BIN1: variants seen among roughly 807,000 people sequenced by gnomAD.
BIN1 encodes bridging integrator 1, also known as myc box-dependent-interacting protein 1.
A neutral mutation model predicts 82.0 loss-of-function variants in BIN1; 53 were observed. The ratio of observed to expected loss-of-function variants is 0.65; its 90% CI spans 0.52 to 0.81. BIN1 has a LOEUF of 0.81. Among genes scored for constraint, BIN1 ranks in the 40% least tolerant of loss-of-function variants. The pLI is 0.00. For synonymous variants in BIN1, 302 were observed against 328.0 expected, an observed-to-expected ratio of 0.92 and a Z score of 0.86; for missense variants, 642 against 784.4, an observed-to-expected ratio of 0.82 and a Z score of 2.17.
chr2:127,076,798 G>T, intron 1 of BIN1, 92 bp from the exon 2 acceptor site: 1 of 1,435,042 alleles, frequency 7.0e-7, no homozygotes, highest in Non-Finnish European at 9.8e-7. Context: ...ACAGACCAGG[G>T]GCTGGGAAGT....
chr2:127,048,399 G>C lies in BIN1; in HGVS notation c.*127C>G. The C allele has an allele frequency of 1.1e-6, 1 of 893,970 alleles. No individual in the cohort carries two copies. The highest frequency in any genetic ancestry group is 1.8e-6 in the Non-Finnish European group (1 of 562,418). 55.4% of individuals were successfully genotyped at this position (893,970 alleles called of 1,614,324 possible). A position where few individuals can be genotyped will look rare whatever the true frequency, so the allele number is the denominator to read the frequency against. ...CTTTGGGAGAACGCCCCTCTGCCTG[G>C]GGGTCTCCTCTTGATTTCCCTTTGC... On this transcript the variant is annotated 3_prime_UTR_variant, in exon 19 of 19. Transcript: ENST00000316724.
intron 2 of BIN1, among the ~76,000 whole-genome samples, chr2:127,075,400 T>G (rs369067958): frequency 1.9e-4 from 29 of 152,126 alleles, no homozygotes; most frequent in African/African-American, 6.7e-4. Flanking sequence ...AAGACCAGGT[T>G]TCTTGTTCAA....
chr2:127,092,757 C>T (rs916804821), intron 1 of BIN1, among the ~76,000 whole-genome samples: 1 of 152,164 alleles, frequency 6.6e-6, no homozygotes, highest in South Asian at 2.1e-4. Flanking sequence ...CCAAAGCTCC[C>T]GGGGAAGGGC....
chr2:127,055,579 G>C (rs754294105), intron 12 of BIN1: 1 of 152,404 alleles, frequency 6.6e-6, no homozygotes, highest in South Asian at 2.1e-4. Context: ...TCCCACCAGC[G>C]GGCGGCCAGC....
In BIN1 at chr2:127,050,834, G is replaced by A. The variant is rs148422103; in HGVS notation, c.1540C>T (p.Arg514Cys). The stretch of plus-strand genomic sequence containing the variant: ...ATGAAACCTGGGGGCAGGTCCAAGC[G>A]CCCGGCCCCACTGCCGCCCTCCACG... ...GTVEGGSGAGRLDLPPGFMFK... is the reference protein window; with the variant it reads ...GTVEGGSGAGCLDLPPGFMFK... Residue 514 changes from arginine (R) to cysteine (C), a missense_variant, in exon 17 of 19, where the codon CGC (arginine) becomes TGC (cysteine). By Grantham distance (180) the Arg-to-Cys change is radical. Transcript: ENST00000316724. 1,111 of 1,613,636 alleles carry A rather than the reference G, an allele frequency of 6.9e-4. 7 individuals carry two copies. The highest frequency in any genetic ancestry group is 3.9e-4 in the African/African-American group (29 of 75,010).
chr2:127,053,341 A>C, intron 14 of BIN1, 81 bp downstream of exon 14: 1 of 1,578,252 alleles, frequency 6.3e-7, no homozygotes, highest in African/African-American at 1.3e-5. Flanking sequence ...ACCTGTGAAC[A>C]GGCTAGGAGC....
Position 127,068,355 on chromosome 2 carries a change from C to A in BIN1, c.520-100G>T. 2 of 918,336 alleles carry A rather than the reference C, an allele frequency of 2.2e-6. No homozygotes were observed. The highest frequency in any genetic ancestry group is 2.2e-4 in the Middle Eastern group (1 of 4,526). 56.9% of individuals were successfully genotyped at this position (918,336 alleles called of 1,614,324 possible). A position where few individuals can be genotyped will look rare whatever the true frequency, so the allele number is the denominator to read the frequency against. On this transcript the variant is annotated intron_variant, in intron 6 of 18. Coordinates refer to ENST00000316724, the MANE Select transcript of BIN1 (RefSeq NM_139343.3). The surrounding 1 kb of genome is among the most constrained non-coding windows in gnomAD (Gnocchi z 4.9). Reference sequence around the variant, plus strand: ...ATTAAATGCAGGTCCACACGCCCCACGCGCGGGGGCCACCCCAAGCAGATA... The same window carrying A: ...ATTAAATGCAGGTCCACACGCCCCAAGCGCGGGGGCCACCCCAAGCAGATA...
chr2:127,091,089 G>GT (rs1410243874), intron 1 of BIN1, among the ~76,000 whole-genome samples: 1 of 152,124 alleles, frequency 6.6e-6, no homozygotes, highest in Non-Finnish European at 1.5e-5. Flanking sequence ...CCTACGGGAG[G>GT]TATGTGTTTA....
chr2:127,101,360 C>T (rs2105341903), intron 1 of BIN1, among the ~76,000 whole-genome samples: 1 of 152,356 alleles, frequency 6.6e-6, no homozygotes, highest in South Asian at 2.1e-4. Context: ...TGACTCTCTC[C>T]ACCCAATCCA....
intron 1 of BIN1, among the ~76,000 whole-genome samples, chr2:127,080,199 C>T (rs1298093500): frequency 6.6e-6 from 1 of 152,242 alleles, no homozygotes; most frequent in Non-Finnish European, 1.5e-5. Context: ...AATCTGGGCA[C>T]CCCCTGCCCC....
chr2:127,062,121 T>G lies in BIN1; in HGVS notation c.851A>C (p.Gln284Pro). The change falls in exon 10 of 19, where the codon CAG becomes CCG. Residue 284 changes from glutamine to proline, a missense_variant. Physicochemically the swap from Gln to Pro is moderately conservative, Grantham distance 76 (BLOSUM62 -1). Coordinates refer to ENST00000316724, the MANE Select transcript of BIN1 (RefSeq NM_139343.3). Reference protein sequence around the residue: ...HGSNTFTVKAQPSDNAPAKGN... With the variant: ...HGSNTFTVKAPPSDNAPAKGN... ...GGGCTCTCCCCGCACGCACCTGGGC[T>G]GGGCCTTGACCGTGAAGGTGTTGCT... 1 of 1,608,110 alleles carries G rather than the reference T, an allele frequency of 6.2e-7. No individual in the cohort carries two copies. The highest frequency in any genetic ancestry group is 8.5e-7 in the Non-Finnish European group (1 of 1,177,626).
intron 1 of BIN1, among the ~76,000 whole-genome samples, chr2:127,099,781 G>A (rs567759235): frequency 2.3e-4 from 35 of 151,858 alleles, no homozygotes; most frequent in African/African-American, 8.0e-4. Context: ...CAAAGTGCTG[G>A]GGTTACAGGC....
At chr2:127,053,835 A>G in intron 13 of BIN1, 70 bp downstream of exon 13, 1 of 1,456,718 alleles carries the variant, frequency 6.9e-7, no homozygotes, top group Middle Eastern at 2.1e-4. Flanking sequence ...CGTGGCCAAT[A>G]GGCAACATGA....
At position 127,063,659 on chromosome 2, in the gene BIN1, G is replaced by A. The variant is rs373662459; in HGVS notation, c.699-13C>T. 46 of 1,612,190 alleles carry A rather than the reference G, an allele frequency of 2.9e-5. No homozygotes were observed. The highest frequency in any genetic ancestry group is 2.0e-4 in the African/African-American group (15 of 74,874). ...GAAACCTACGCGGCTACAGAAGGGC[G>A]GAAGGATGGGGGCCAGGTGAACAGG... On this transcript the variant is annotated splice_polypyrimidine_tract_variant and intron_variant, in intron 8 of 18. Coordinates refer to ENST00000316724, the MANE Select transcript of BIN1 (RefSeq NM_139343.3).
At chr2:127,080,540 G>T (rs190301477) in intron 1 of BIN1, among the ~76,000 whole-genome samples, 1 of 152,184 alleles carries the variant, frequency 6.6e-6, no homozygotes. Context: ...CACTTATCAC[G>T]CACACTCACT....
chr2:127,096,934 C>T (rs1264814713), intron 1 of BIN1, among the ~76,000 whole-genome samples: 1 of 152,202 alleles, frequency 6.6e-6, no homozygotes, highest in Non-Finnish European at 1.5e-5. Flanking sequence ...GGCACCCACT[C>T]CTGCCAGCCC....
Position 127,057,305 on chromosome 2 carries a change from G to A in BIN1, c.1131+168C>T, listed in dbSNP as rs1161684185. Among the ~76,000 whole-genome samples the A allele has an allele frequency of 6.6e-6, 1 of 152,222 alleles. No individual in the cohort carries two copies. The highest frequency in any genetic ancestry group is 1.9e-4 in the East Asian group (1 of 5,196). On this transcript the variant is annotated intron_variant, in intron 12 of 18. Coordinates refer to ENST00000316724, the MANE Select transcript of BIN1 (RefSeq NM_139343.3). The surrounding 1 kb of genome is among the most constrained non-coding windows in gnomAD (Gnocchi z 5.0). Reference sequence around the variant, plus strand: ...TACATGCTCAGAGATGGGTGATGGAGGATGATGGAGGATGATGGATGGAGG... The same window carrying A: ...TACATGCTCAGAGATGGGTGATGGAAGATGATGGAGGATGATGGATGGAGG...
At chr2:127,069,276 G>A (rs542410148) in intron 5 of BIN1, among the ~76,000 whole-genome samples, 19 of 152,274 alleles carry the variant, frequency 1.2e-4, no homozygotes, top group African/African-American at 4.1e-4. Flanking sequence ...AGCTGGTGAC[G>A]TGTCAGCCAA....
At chr2:127,072,827 G>A (rs556314391) in intron 2 of BIN1, among the ~76,000 whole-genome samples, 3 of 152,260 alleles carry the variant, frequency 2.0e-5, no homozygotes, top group African/African-American at 4.8e-5. Flanking sequence ...GCCGGGGAAT[G>A]AGGAAGGGTC....
Sources: gnomAD v4.1 joint callset for allele counts (sites outside exome capture counted in the v4.1 genomes callset) on GRCh38, gnomAD v4.1.1 for gene constraint, Gnocchi (gnomAD v3.1) non-coding constraint, MANE v1.5 for transcripts, NCBI Gene and HGNC (gene_info 2026-07-23, HGNC 2026-07-21) for gene names.